The following DENND6A variants were observed in gnomAD, a reference collection of about 807,000 sequenced individuals.
DENND6A encodes the protein protein DENND6A.
DENND6A carries 43 observed loss-of-function variants against 95.5 expected under a neutral mutation model. The observed-to-expected ratio is 0.45, with a 90% CI of 0.35 to 0.58. The LOEUF is 0.58. Among genes scored for constraint, DENND6A ranks in the 20% least tolerant of loss-of-function variants. DENND6A has a pLI of 0.00. For missense variants in DENND6A, 574 were observed against 736.0 expected (o/e 0.78, Z 2.55); for synonymous variants, 257 against 260.4 (o/e 0.99, Z 0.13).
intron 4 of DENND6A, among the ~76,000 whole-genome samples, chr3:57,664,609 C>T (rs1251397961): frequency 6.6e-5 from 10 of 151,950 alleles, no homozygotes; most frequent in Admixed American, 3.3e-4. Context: ...CCAAGGTGGG[C>T]GGATCATGAG....
In DENND6A at chr3:57,661,420, T is replaced by G. The variant is rs769712917; in HGVS notation, c.619+26A>C. On this transcript the variant is annotated intron_variant, in intron 6 of 19. Transcript: ENST00000311128. Reference sequence around the variant, plus strand: ...TTTCCAGTAAAAATTTTAAAACTCCTGCATAAAGGTATATGTTAAACTTAC... The same window carrying G: ...TTTCCAGTAAAAATTTTAAAACTCCGGCATAAAGGTATATGTTAAACTTAC... 6.8e-6 allele frequency: 10 copies of G among 1,472,954 alleles called. No homozygotes were observed. In the South Asian group the frequency reaches 1.4e-4, roughly 20 times the overall value. 91.2% of individuals were successfully genotyped at this position (1,472,954 alleles called of 1,614,324 possible). A position where few individuals can be genotyped will look rare whatever the true frequency, so the allele number is the denominator to read the frequency against.
chr3:57,683,004 A>C (rs1033908632), intron 1 of DENND6A, among the ~76,000 whole-genome samples: 2 of 152,164 alleles, frequency 1.3e-5, no homozygotes, highest in African/African-American at 2.4e-5. Flanking sequence ...TTGTCTCTTC[A>C]GTTAAATTCT....
chr3:57,667,384 T>C (rs759063764), intron 3 of DENND6A, among the ~76,000 whole-genome samples: 6 of 152,002 alleles, frequency 3.9e-5, no homozygotes, highest in Non-Finnish European at 7.4e-5. Flanking sequence ...CTTGAACTCC[T>C]GGGCTCAAGT....
intron 1 of DENND6A, among the ~76,000 whole-genome samples, chr3:57,680,817 T>C (rs2077157590): frequency 6.6e-6 from 1 of 152,324 alleles, no homozygotes; most frequent in Admixed American, 6.5e-5. Flanking sequence ...TGTTTAGCAT[T>C]AGTTATTAGG....
intron 9 of DENND6A, among the ~76,000 whole-genome samples, chr3:57,653,924 A>C (rs2071266358): frequency 6.6e-6 from 1 of 150,468 alleles, no homozygotes; most frequent in Non-Finnish European, 1.5e-5. Context: ...TGCCTTGGGA[A>C]AATAATTAGA....
rs117237207 is a variant in DENND6A at position 57,677,146 on chromosome 3, G to A, written c.238-4708C>T. Among the ~76,000 whole-genome samples, 484 of 152,014 alleles carry A rather than the reference G, an allele frequency of 3.2e-3. 4 individuals carry two copies. The East Asian group carries it at 0.045, about 14-fold the overall frequency. On this transcript the variant is annotated intron_variant, in intron 1 of 19. Coordinates refer to ENST00000311128, the MANE Select transcript of DENND6A (RefSeq NM_152678.3). ...GCCTCAAACTGTTATTTTTTAAATC[G>A]TCAACTTTCCCAACACTATTTGCTC... is the stretch of plus-strand genomic sequence containing the variant.
intron 9 of DENND6A, chr3:57,654,514 C>A: frequency 1.7e-6 from 1 of 578,814 alleles, no homozygotes; most frequent in Non-Finnish European, 2.2e-6. Context: ...AAGCAGGTGG[C>A]AGGAGGTGAT....
chr3:57,661,734 T>C (rs2071427296), intron 5 of DENND6A, among the ~76,000 whole-genome samples, 183 bp from the exon 6 acceptor site: 1 of 152,222 alleles, frequency 6.6e-6, no homozygotes, highest in African/African-American at 2.4e-5. Flanking sequence ...ACCTTATTGC[T>C]ACACTTTAAG....
intron 11 of DENND6A, among the ~76,000 whole-genome samples, chr3:57,643,474 G>C (rs1387075771): frequency 6.6e-6 from 1 of 152,104 alleles, no homozygotes; most frequent in Non-Finnish European, 1.5e-5. Flanking sequence ...ATATTGGCTA[G>C]AAAGATATAT....
chr3:57,663,113 T>C (rs1215908436), intron 5 of DENND6A, among the ~76,000 whole-genome samples: 4 of 130,486 alleles, frequency 3.1e-5, no homozygotes, highest in African/African-American at 1.2e-4. Flanking sequence ...ATCACACCAC[T>C]GAACTCCAGC....
chr3:57,663,075 T>C (rs911308604), intron 5 of DENND6A, among the ~76,000 whole-genome samples: 18 of 138,382 alleles, frequency 1.3e-4, no homozygotes, highest in Admixed American at 1.3e-3. Context: ...TACTTGAACC[T>C]GGGAGGCAGA....
chr3:57,682,714 CA>C (rs1292197833), intron 1 of DENND6A, among the ~76,000 whole-genome samples: 1 of 152,076 alleles, frequency 6.6e-6, no homozygotes, highest in Non-Finnish European at 1.5e-5. Flanking sequence ...CTGGCTTTGT[CA>C]CCCAGGCTGG....
intron 18 of DENND6A, chr3:57,630,212 C>T (rs1045847210): frequency 1.7e-5 from 8 of 473,198 alleles, no homozygotes; most frequent in Admixed American, 1.7e-4. Flanking sequence ...TCATAACACA[C>T]CTACCTCAAA....
Position 57,646,342 on chromosome 3 carries a change from T to G in DENND6A, c.915A>C (p.Ser305=). The part of the protein sequence containing the change: ...LVVMAPSPSE[S]SETVLALVNC... ...TAACAAGTGCCAATACAGTCTCTGATGATTCCGATGGTGATGGCGCCATAA... is the reference window on the plus strand; with the variant it reads ...TAACAAGTGCCAATACAGTCTCTGAGGATTCCGATGGTGATGGCGCCATAA... Residue 305 remains serine (S), a synonymous_variant, in exon 10 of 20, where the codon TCA becomes TCC. Transcript: ENST00000311128. 6.2e-7 allele frequency: 1 copy of G among 1,613,440 alleles called. No individual in the cohort carries two copies. Among genetic ancestry groups the G allele is most frequent in the Non-Finnish European group, 8.5e-7 (1 of 1,179,948 alleles).
At chr3:57,673,270 C>T (rs935077900) in intron 1 of DENND6A, among the ~76,000 whole-genome samples, 9 of 146,002 alleles carry the variant, frequency 6.2e-5, no homozygotes, top group African/African-American at 2.3e-4. Context: ...GAAATCCTGT[C>T]ATTTGCAACA....
intron 3 of DENND6A, among the ~76,000 whole-genome samples, 191 bp downstream of exon 3, chr3:57,672,065 A>G (rs2071627111): frequency 6.6e-6 from 1 of 152,216 alleles, no homozygotes; most frequent in African/African-American, 2.4e-5. Flanking sequence ...TCATCACACC[A>G]TAACAGTTAT....
At chr3:57,662,381 T>C (rs1469712835) in intron 5 of DENND6A, among the ~76,000 whole-genome samples, 4 of 151,660 alleles carry the variant, frequency 2.6e-5, no homozygotes, top group Non-Finnish European at 4.4e-5. Context: ...GGGTGGATTT[T>C]TGGTAGAGAT....
At chr3:57,633,783 G>A (rs2070735806) in intron 14 of DENND6A, among the ~76,000 whole-genome samples, 1 of 151,958 alleles carries the variant, frequency 6.6e-6, no homozygotes, top group Non-Finnish European at 1.5e-5. Flanking sequence ...CCAGCTACTT[G>A]GAAGGCTGAG....
intron 1 of DENND6A, among the ~76,000 whole-genome samples, chr3:57,672,958 T>C (rs1306520091): frequency 1.3e-5 from 2 of 151,792 alleles, no homozygotes; most frequent in Admixed American, 1.3e-4. Context: ...AGGCCAGGCA[T>C]ATTGGCTCAC....
Sources: allele counts gnomAD v4.1 joint callset (sites outside exome capture counted in the v4.1 genomes callset), GRCh38; gene constraint gnomAD v4.1.1; transcripts MANE v1.5; gene names NCBI Gene and HGNC (gene_info 2026-07-23, HGNC 2026-07-21).